The following DYSF variants were observed in gnomAD, a reference collection of about 807,000 sequenced individuals.
DYSF encodes dystrophy-associated fer-1-like 1.
In DYSF, 212 loss-of-function variants were observed where a neutral mutation model predicts 274.9. The observed-to-expected ratio is 0.77, with a 90% CI of 0.69 to 0.86. The LOEUF (loss-of-function observed/expected upper bound fraction) is 0.86, where lower values mean the gene tolerates loss of function less well. DYSF is among the 40% of genes least tolerant of loss of function. The pLI, the probability that DYSF is intolerant of heterozygous loss-of-function variation, is 0.00. For missense variants in DYSF, 2,666 were observed against 2,783.2 expected (o/e 0.96, Z 0.95); for synonymous variants, 1,091 against 1,078.7 (o/e 1.01, Z -0.22).
intron 17 of DYSF, among the ~76,000 whole-genome samples, chr2:71,542,220 G>T (rs182976498): frequency 6.6e-6 from 1 of 152,306 alleles, no homozygotes; most frequent in Admixed American, 6.5e-5. Flanking sequence ...ATAATGTCTA[G>T]TACACAATAA....
intron 42 of DYSF, among the ~76,000 whole-genome samples, chr2:71,644,349 C>T (rs985007738): frequency 3.3e-5 from 5 of 152,170 alleles, no homozygotes; most frequent in South Asian, 2.1e-4. Context: ...CCCCAGCCCC[C>T]TACCCCTTCC....
Position 71,657,864 on chromosome 2 carries a change from G to C in DYSF, c.4756-1014G>C, listed in dbSNP as rs567246016. On this transcript the variant is annotated intron_variant, in intron 43 of 55. Transcript: ENST00000410020. ...GGCTTCTGGGCCTGTGATGGGAGGG[G>C]CTGCTGTGAAGATCTCTGATATGGC... 2.6e-5 allele frequency among the ~76,000 whole-genome samples: 4 copies of C among 152,292 alleles called. No individual in the cohort carries two copies. The East Asian group carries it at 5.8e-4, about 22-fold the overall frequency.
chr2:71,602,232 G>T (rs1297222102), intron 35 of DYSF, among the ~76,000 whole-genome samples: 2 of 152,088 alleles, frequency 1.3e-5, no homozygotes, highest in African/African-American at 2.4e-5. Flanking sequence ...TAGTCATCTG[G>T]GCTGTGTTTG....
intron 17 of DYSF, among the ~76,000 whole-genome samples, chr2:71,540,215 A>G (rs2089804642): frequency 6.6e-6 from 1 of 151,534 alleles, no homozygotes; most frequent in South Asian, 2.1e-4. Flanking sequence ...AGTTCAAGCA[A>G]TTCTCCTGCC....
At chr2:71,530,145 G>A (rs1200964475) in intron 14 of DYSF, among the ~76,000 whole-genome samples, 1 of 144,560 alleles carries the variant, frequency 6.9e-6, no homozygotes, top group Non-Finnish European at 1.6e-5. Context: ...TACGCCCTGC[G>A]CCTGGCATCA....
chr2:71,553,123 A>C lies in DYSF; in HGVS notation c.1919A>C (p.Asn640Thr), dbSNP rs886043196. Residue 640 changes from asparagine (N) to threonine (T), a missense_variant, in exon 20 of 56, where the codon AAC (asparagine) becomes ACC (threonine). Physicochemically the swap from Asn to Thr is moderately conservative, Grantham distance 65 (BLOSUM62 0). This residue lies in a region of DYSF where 412 missense variants were observed against 504.0 expected (regional missense o/e 0.82). Coordinates refer to ENST00000410020, the MANE Select transcript of DYSF (RefSeq NM_001130987.2). ...QFEVSIGNYG[N>T]KFDMTCLPLA... ...GAGGTCAGCATCGGGAACTACGGGA[A>C]CAAGTTCGACATGACCTGCCTGCCG... 1.2e-6 allele frequency: 2 copies of C among 1,614,126 alleles called. No homozygotes were observed. Among genetic ancestry groups the C allele is most frequent in the Non-Finnish European group, 1.7e-6 (2 of 1,180,030 alleles).
intron 1 of DYSF, among the ~76,000 whole-genome samples, chr2:71,472,278 C>T (rs769439988): frequency 6.6e-6 from 1 of 152,190 alleles, no homozygotes; most frequent in African/African-American, 2.4e-5. Flanking sequence ...AGATTTAATG[C>T]GTTGCTGCAT....
chr2:71,618,497 GTGTGTGTTT>G (rs2152890712), intron 40 of DYSF, among the ~76,000 whole-genome samples: 10 of 67,480 alleles, frequency 1.5e-4, no homozygotes, highest in Admixed American at 3.4e-4. Context: ...TAGAGGTGAT[GTGTGTGTTT>G]GGTAGAGGTG....
rs1281575785 is a variant in DYSF, at chr2:71,674,301, G to T, written c.5884+5G>T. The T allele has an allele frequency of 3.7e-6, 6 of 1,613,918 alleles. No homozygotes were observed. Among genetic ancestry groups the T allele is most frequent in the Non-Finnish European group, 5.1e-6 (6 of 1,179,840 alleles). Reference sequence around the variant, plus strand: ...TCTCCTTTGATGATTTTCTGGGTAAGCGCTATTGCTAGAATCCCATTCTGC... The same window carrying T: ...TCTCCTTTGATGATTTTCTGGGTAATCGCTATTGCTAGAATCCCATTCTGC... On this transcript the variant is annotated splice_donor_5th_base_variant and intron_variant, in intron 52 of 55. Coordinates refer to ENST00000410020, the MANE Select transcript of DYSF (RefSeq NM_001130987.2).
chr2:71,522,290 C>T (rs1304113673), intron 12 of DYSF, among the ~76,000 whole-genome samples: 1 of 151,886 alleles, frequency 6.6e-6, no homozygotes, highest in Non-Finnish European at 1.5e-5. Flanking sequence ...CACTCCATTG[C>T]CAGCTGCTCA....
At chr2:71,464,294 A>G (rs569125850), upstream of DYSF, among the ~76,000 whole-genome samples, 2 of 152,384 alleles carry the variant, frequency 1.3e-5, no homozygotes, top group African/African-American at 4.8e-5. Flanking sequence ...GCACTGAGGA[A>G]ACAGCAGTGG....
At chr2:71,672,463 T>C (rs1407561443) in intron 51 of DYSF, among the ~76,000 whole-genome samples, 2 of 152,126 alleles carry the variant, frequency 1.3e-5, no homozygotes, top group Non-Finnish European at 2.9e-5. Context: ...TGTCGTAAAG[T>C]ACAAGGTCTC....
Position 71,551,027 on chromosome 2 carries a change from C to A in DYSF, c.1577-14C>A. On this transcript the variant is annotated splice_polypyrimidine_tract_variant and intron_variant, in intron 17 of 55. Transcript: ENST00000410020. ...ACTGGGCCGACCCCTCTGATTGCCA[C>A]TTGTGTCTCCCAGTGGATGACTACC... The A allele has an allele frequency of 3.7e-6, 6 of 1,612,758 alleles. No individual in the cohort carries two copies. The highest frequency in any genetic ancestry group is 5.1e-6 in the Non-Finnish European group (6 of 1,178,752).
chr2:71,534,090 A>G (rs1481917729), intron 14 of DYSF, among the ~76,000 whole-genome samples: 1 of 151,944 alleles, frequency 6.6e-6, no homozygotes, highest in Non-Finnish European at 1.5e-5. Flanking sequence ...AGGTGGGGGC[A>G]GGGGCCAGCA....
chr2:71,592,306 G>C (rs189414097), intron 32 of DYSF, among the ~76,000 whole-genome samples: 1 of 152,198 alleles, frequency 6.6e-6, no homozygotes, highest in African/African-American at 2.4e-5. Flanking sequence ...CTGCGGAGAC[G>C]TCACACTTTC....
chr2:71,661,469 T>C (rs1230521402), intron 45 of DYSF, among the ~76,000 whole-genome samples: 2 of 152,246 alleles, frequency 1.3e-5, no homozygotes, highest in South Asian at 2.1e-4. Flanking sequence ...CAATCTGTTA[T>C]ACGACATTGC....
At chr2:71,464,847 C>T (rs2081431030), upstream of DYSF, among the ~76,000 whole-genome samples, 1 of 152,038 alleles carries the variant, frequency 6.6e-6, no homozygotes, top group African/African-American at 2.4e-5. Flanking sequence ...ATGACTCAGG[C>T]AAGGGATGAC....
chr2:71,622,076 C>A (rs1238915297), intron 41 of DYSF, among the ~76,000 whole-genome samples: 1 of 143,598 alleles, frequency 7.0e-6, no homozygotes, highest in African/African-American at 2.5e-5. Flanking sequence ...TCTTTTGTCC[C>A]TTAAAGGACT....
At chr2:71,579,980 C>A (rs898329783) in intron 30 of DYSF, among the ~76,000 whole-genome samples, 1 of 152,222 alleles carries the variant, frequency 6.6e-6, no homozygotes, top group African/African-American at 2.4e-5. Context: ...CAGTGCTTAA[C>A]CAAGGTCCAG....
Sources: gnomAD v4.1 joint callset for allele counts (sites outside exome capture counted in the v4.1 genomes callset) on GRCh38, gnomAD v4.1.1 for gene constraint, gnomAD v4.1.1 regional missense constraint, MANE v1.5 for transcripts, NCBI Gene and HGNC (gene_info 2026-07-23, HGNC 2026-07-21) for gene names.